The following UIMC1 variants were observed in gnomAD, a reference collection of about 807,000 sequenced individuals.
UIMC1 encodes ubiquitin interaction motif containing 1.
In UIMC1, 42 loss-of-function variants were observed where a neutral mutation model predicts 84.9. The observed-to-expected ratio is 0.49, with a 90% CI of 0.39 to 0.64. The LOEUF (loss-of-function observed/expected upper bound fraction) is 0.64. UIMC1 is among the 30% of genes least tolerant of loss of function. The pLI is 0.00. For synonymous variants in UIMC1, 281 were observed against 293.0 expected, an observed-to-expected ratio of 0.96 and a Z score of 0.42; for missense variants, 825 against 847.6, an observed-to-expected ratio of 0.97 and a Z score of 0.33.
chr5:176,912,406 C>T (rs1760332222), intron 10 of UIMC1, among the ~76,000 whole-genome samples: 1 of 152,138 alleles, frequency 6.6e-6, no homozygotes, highest in African/African-American at 2.4e-5. Flanking sequence ...AGATCAACCT[C>T]CTACTCATAT....
At chr5:176,972,038 C>T (rs1346680492) in intron 3 of UIMC1, among the ~76,000 whole-genome samples, 1 of 152,142 alleles carries the variant, frequency 6.6e-6, no homozygotes, top group African/African-American at 2.4e-5. Context: ...AATAGAATTG[C>T]TTTTATCCTA....
Position 176,992,531 on chromosome 5 carries a change from A to T in UIMC1, c.-8-9908T>A, listed in dbSNP as rs555947321. Among the ~76,000 whole-genome samples, 31 of 152,146 alleles carry T rather than the reference A, an allele frequency of 2.0e-4. No homozygotes were observed. The South Asian group carries it at 6.4e-3, about 32-fold the overall frequency. On this transcript the variant is annotated intron_variant, in intron 1 of 14. Transcript: ENST00000511320. ...ACATAAAGAAATTTTTTAAATTGAT[A>T]AATTTGACTTTATTGAAATTTAAAA...
At chr5:176,997,615 A>G (rs1258527655) in intron 1 of UIMC1, among the ~76,000 whole-genome samples, 2 of 149,292 alleles carry the variant, frequency 1.3e-5, no homozygotes, top group Non-Finnish European at 3.0e-5. Flanking sequence ...AACCCAGGAG[A>G]CGGAGCTTGC....
chr5:176,949,017 C>T (rs1279867086), intron 9 of UIMC1, among the ~76,000 whole-genome samples: 1 of 151,904 alleles, frequency 6.6e-6, no homozygotes, highest in East Asian at 1.9e-4. Context: ...TATTTTCCTA[C>T]TATATTTATT....
chr5:177,012,555 C>T (rs1310011615), intron 1 of UIMC1, among the ~76,000 whole-genome samples: 2 of 151,434 alleles, frequency 1.3e-5, no homozygotes, highest in South Asian at 2.1e-4. Context: ...TAGCCAGGCG[C>T]GGTGGCAGGC....
intron 8 of UIMC1, among the ~76,000 whole-genome samples, chr5:176,954,402 C>G (rs943437023): frequency 1.3e-5 from 2 of 151,978 alleles, no homozygotes; most frequent in Non-Finnish European, 2.9e-5. Context: ...AGGCAGTAAT[C>G]CAAACACATT....
intron 6 of UIMC1, among the ~76,000 whole-genome samples, chr5:176,965,818 C>A (rs1768209280): frequency 6.6e-6 from 1 of 152,214 alleles, no homozygotes; most frequent in Non-Finnish European, 1.5e-5. Flanking sequence ...TGACACAACA[C>A]AGAACTTGAC....
At chr5:176,937,347 T>A (rs1483073443) in intron 10 of UIMC1, among the ~76,000 whole-genome samples, 1 of 151,938 alleles carries the variant, frequency 6.6e-6, no homozygotes, top group African/African-American at 2.4e-5. Flanking sequence ...TACAAAAAAT[T>A]AGCCGAGCGT....
At chr5:176,979,739 T>C (rs1344635362) in intron 2 of UIMC1, among the ~76,000 whole-genome samples, 5 of 152,234 alleles carry the variant, frequency 3.3e-5, no homozygotes. Context: ...CACATTCCTG[T>C]ATGCATAACA....
intron 10 of UIMC1, among the ~76,000 whole-genome samples, chr5:176,926,168 C>A (rs930268727): frequency 1.3e-5 from 2 of 151,902 alleles, no homozygotes; most frequent in Non-Finnish European, 2.9e-5. Context: ...TGACTAGATG[C>A]AACGTATGAT....
chr5:176,988,353 G>C (rs1245481640), intron 1 of UIMC1, among the ~76,000 whole-genome samples: 1 of 152,060 alleles, frequency 6.6e-6, no homozygotes, highest in Non-Finnish European at 1.5e-5. Context: ...CAAAAGGAAT[G>C]AAGTATTAAT....
chr5:176,926,930 T>C (rs1483528103), intron 10 of UIMC1, among the ~76,000 whole-genome samples: 2 of 152,122 alleles, frequency 1.3e-5, no homozygotes, highest in African/African-American at 4.8e-5. Context: ...CTTAATGATT[T>C]TGAGCAAGTT....
At chr5:176,972,052 T>C (rs2149488153) in intron 3 of UIMC1, among the ~76,000 whole-genome samples, 1 of 152,276 alleles carries the variant, frequency 6.6e-6, no homozygotes, top group Admixed American at 6.5e-5. Context: ...TATCCTACTT[T>C]TTCTACACAA....
At chr5:177,019,206 T>G (rs1036942559) in intron 1 of UIMC1, among the ~76,000 whole-genome samples, 1 of 152,240 alleles carries the variant, frequency 6.6e-6, no homozygotes. Flanking sequence ...CATGGGCTCG[T>G]ACCTAACTAG....
chr5:176,972,229 T>C (rs1769348831), intron 3 of UIMC1, among the ~76,000 whole-genome samples: 1 of 148,398 alleles, frequency 6.7e-6, no homozygotes, highest in Non-Finnish European at 1.5e-5. Context: ...TGAAACCCCG[T>C]CTCTACTAAA....
At chr5:176,931,611 T>C (rs1004430645) in intron 10 of UIMC1, among the ~76,000 whole-genome samples, 5 of 152,210 alleles carry the variant, frequency 3.3e-5, no homozygotes, top group Non-Finnish European at 7.3e-5. Context: ...ATATGCTACA[T>C]CATACAGCAA....
chr5:176,960,623 C>G (rs1167891923), intron 6 of UIMC1, among the ~76,000 whole-genome samples: 2 of 15,658 alleles, frequency 1.3e-4, no homozygotes, highest in Non-Finnish European at 2.1e-4. Flanking sequence ...CCCCCTCCCC[C>G]TCCCCCTCCG....
chr5:176,965,091 C>G (rs937457832), intron 6 of UIMC1, among the ~76,000 whole-genome samples: 5 of 152,066 alleles, frequency 3.3e-5, no homozygotes, highest in African/African-American at 1.2e-4. Context: ...AAATCAGATG[C>G]CCAGTACCTT....
Position 176,950,100 on chromosome 5 carries a change from C to CTTTT in UIMC1, c.1443+1370_1443+1373dup, listed in dbSNP as rs779279628. Among the ~76,000 whole-genome samples the CTTTT allele has an allele frequency of 6.5e-3, 709 of 108,658 alleles. 9 individuals are homozygous for CTTTT. Among genetic ancestry groups the CTTTT allele is most frequent in the South Asian group, 0.013 (41 of 3,110 alleles). The allele number at this position is 108,658 out of a possible 152,430, so 71.3% of individuals were successfully genotyped here. On this transcript the variant is annotated intron_variant, in intron 9 of 14. Coordinates refer to ENST00000511320, the MANE Select transcript of UIMC1 (RefSeq NM_001199298.2). Reference sequence around the variant, plus strand: ...TTCCAGAATATAAAAAGGAACCTTTCTTTTTTTTTTTTTTTTTTGAGACGG... The same window carrying CTTTT: ...TTCCAGAATATAAAAAGGAACCTTTCTTTTTTTTTTTTTTTTTTTTTTGAGACGG...
Sources: gnomAD v4.1 joint callset for allele counts (sites outside exome capture counted in the v4.1 genomes callset) on GRCh38, gnomAD v4.1.1 for gene constraint, MANE v1.5 for transcripts, NCBI Gene and HGNC (gene_info 2026-07-23, HGNC 2026-07-21) for gene names.